The following GRIK2 variants were observed in gnomAD, a reference collection of about 807,000 sequenced individuals.
GRIK2 encodes the protein glutamate receptor ionotropic, kainate 2.
In GRIK2, 32 loss-of-function variants were observed where a neutral mutation model predicts 100.3. The ratio of observed to expected loss-of-function variants is 0.32; its 90% confidence interval spans 0.24 to 0.43. The LOEUF (loss-of-function observed/expected upper bound fraction) is 0.43. Among genes scored for constraint, GRIK2 ranks in the 20% least tolerant of loss-of-function variants. The pLI is 1.00. For missense variants in GRIK2, 843 were observed against 1,114.9 expected (o/e 0.76, Z 3.47); for synonymous variants, 417 against 389.4 (o/e 1.07, Z -0.83).
intron 15 of GRIK2, among the ~76,000 whole-genome samples, chr6:102,051,037 T>A (rs1287256139): frequency 6.6e-6 from 1 of 152,260 alleles, no homozygotes; most frequent in East Asian, 1.9e-4. Flanking sequence ...AAAGGGACAT[T>A]TAGAGACAAT....
chr6:101,712,605 A>C (rs1773794971), intron 7 of GRIK2, among the ~76,000 whole-genome samples: 1 of 151,850 alleles, frequency 6.6e-6, no homozygotes, highest in African/African-American at 2.4e-5. Context: ...TTTTTGTTAC[A>C]GATAAAGATT....
At chr6:101,839,125 T>C (rs1783337826) in intron 10 of GRIK2, among the ~76,000 whole-genome samples, 1 of 152,156 alleles carries the variant, frequency 6.6e-6, no homozygotes, top group Admixed American at 6.5e-5. Context: ...TTTGTACATA[T>C]CTGAATTTTG....
chr6:101,508,227 A>T (rs1774119304), intron 2 of GRIK2, among the ~76,000 whole-genome samples: 1 of 152,150 alleles, frequency 6.6e-6, no homozygotes, highest in Admixed American at 6.5e-5. Flanking sequence ...AAATATAACA[A>T]ATGTTTATTG....
chr6:101,793,921 C>T (rs1036409969), intron 7 of GRIK2, among the ~76,000 whole-genome samples: 6 of 152,154 alleles, frequency 3.9e-5, no homozygotes, highest in Admixed American at 6.5e-5. Context: ...ATGGTGGGCG[C>T]CCCTCTCCCA....
intron 2 of GRIK2, among the ~76,000 whole-genome samples, chr6:101,539,551 C>T (rs1775884686): frequency 1.3e-5 from 2 of 151,794 alleles, no homozygotes; most frequent in Admixed American, 1.3e-4. Flanking sequence ...ATAAAGTCAT[C>T]TGCCTAGGAG....
intron 4 of GRIK2, among the ~76,000 whole-genome samples, chr6:101,648,679 T>G (rs1781644462): frequency 6.6e-6 from 1 of 152,102 alleles, no homozygotes; most frequent in Admixed American, 6.6e-5. Flanking sequence ...TATCAACCCT[T>G]GATTTCATTT....
chr6:101,619,418 T>C (rs1303917312), intron 2 of GRIK2, among the ~76,000 whole-genome samples: 1 of 151,846 alleles, frequency 6.6e-6, no homozygotes, highest in Non-Finnish European at 1.5e-5. Context: ...AAACTTAAAG[T>C]CGAATTTGAA....
chr6:101,994,872 G>C (rs1794568671), intron 14 of GRIK2, among the ~76,000 whole-genome samples: 3 of 151,892 alleles, frequency 2.0e-5, no homozygotes, highest in African/African-American at 4.8e-5. Context: ...TAAGAAATAA[G>C]AGAAAAATAG....
At chr6:101,546,780 A>G (rs1776254582) in intron 2 of GRIK2, among the ~76,000 whole-genome samples, 1 of 145,854 alleles carries the variant, frequency 6.9e-6, no homozygotes, top group Non-Finnish European at 1.5e-5. Context: ...CCAGTTTTAT[A>G]CACTGGCCTG....
At chr6:101,503,179 T>C (rs550962994) in intron 2 of GRIK2, among the ~76,000 whole-genome samples, 4 of 152,250 alleles carry the variant, frequency 2.6e-5, no homozygotes, top group South Asian at 4.1e-4. Context: ...TAAGTGTTTT[T>C]TTTGTTTTGT....
intron 14 of GRIK2, among the ~76,000 whole-genome samples, chr6:101,948,153 A>G (rs2128477975): frequency 6.6e-6 from 1 of 152,196 alleles, no homozygotes; most frequent in African/African-American, 2.4e-5. Context: ...CAAATACATT[A>G]TTTTTAAATA....
At chr6:101,430,418 G>T in intron 2 of GRIK2, 1 of 212,848 alleles carries the variant, frequency 4.7e-6, no homozygotes, top group East Asian at 1.2e-4. Flanking sequence ...ATTCTGCTGG[G>T]TGATCCACAT....
At chr6:101,571,163 C>A (rs1018613883) in intron 2 of GRIK2, among the ~76,000 whole-genome samples, 3 of 152,016 alleles carry the variant, frequency 2.0e-5, no homozygotes, top group Non-Finnish European at 2.9e-5. Flanking sequence ...AAAATGAAAG[C>A]AATATCCTTT....
chr6:101,679,934 T>G (rs1168053981), intron 5 of GRIK2, among the ~76,000 whole-genome samples: 3 of 152,158 alleles, frequency 2.0e-5, no homozygotes, highest in African/African-American at 7.2e-5. Context: ...GAGACAGGCT[T>G]TCACCATCTT....
At chr6:101,523,056 AT>A (rs761300285) in intron 2 of GRIK2, among the ~76,000 whole-genome samples, 69 of 152,088 alleles carry the variant, frequency 4.5e-4, no homozygotes, top group African/African-American at 1.6e-3. Flanking sequence ...TTCATGTATG[AT>A]TTTCACATGG....
chr6:101,907,819 T>C (rs1051745880), intron 12 of GRIK2, among the ~76,000 whole-genome samples: 1 of 151,686 alleles, frequency 6.6e-6, no homozygotes, highest in African/African-American at 2.4e-5. Flanking sequence ...ATCAGCTATG[T>C]AGTGTGTAGC....
chr6:101,607,784 C>G (rs1328544168), intron 2 of GRIK2, among the ~76,000 whole-genome samples: 5 of 151,788 alleles, frequency 3.3e-5, no homozygotes, highest in South Asian at 2.1e-4. Flanking sequence ...GAACCAAGAG[C>G]CTTTTGGGTA....
intron 10 of GRIK2, among the ~76,000 whole-genome samples, chr6:101,856,949 C>A (rs1023147242): frequency 6.6e-6 from 1 of 151,874 alleles, no homozygotes; most frequent in Non-Finnish European, 1.5e-5. Flanking sequence ...GAAAAAAGAG[C>A]AAAATTACCA....
chr6:101,871,847 A>G (rs978612226), intron 11 of GRIK2, among the ~76,000 whole-genome samples: 2 of 151,866 alleles, frequency 1.3e-5, no homozygotes, highest in African/African-American at 4.8e-5. Flanking sequence ...CATACAGGTG[A>G]ATGTATCTCT....
Sources: gnomAD v4.1 joint callset for allele counts (sites outside exome capture counted in the v4.1 genomes callset) on GRCh38, gnomAD v4.1.1 for gene constraint, MANE v1.5 for transcripts, NCBI Gene and HGNC (gene_info 2026-07-23, HGNC 2026-07-21) for gene names.